The following PLCXD3 variants were observed in gnomAD, a reference collection of about 807,000 sequenced individuals.
PLCXD3 encodes the protein PI-PLC X domain-containing protein 3.
A neutral mutation model predicts 25.5 loss-of-function variants in PLCXD3; 19 were observed. The observed-to-expected ratio is 0.75, with a 90% CI of 0.52 to 1.09. PLCXD3 has a LOEUF of 1.09. PLCXD3 is among the 50% of genes least tolerant of loss of function. The pLI, the probability that PLCXD3 is intolerant of heterozygous loss-of-function variation, is 0.00. For synonymous variants in PLCXD3, 174 were observed against 137.6 expected (o/e 1.26, Z -1.85); for missense variants, 411 against 388.1 (o/e 1.06, Z -0.50).
Position 41,361,070 on chromosome 5 carries a change from G to T in PLCXD3, c.812+20756C>A, listed in dbSNP as rs151184505. The stretch of plus-strand genomic sequence containing the variant: ...TGAGCTCAGACTCTCCATGGGTGGG[G>T]CTTGCTGTGGCTGCTGTGGGGGATG... On this transcript the variant is annotated intron_variant, in intron 2 of 2. Transcript: ENST00000377801. Among the ~76,000 whole-genome samples the T allele has an allele frequency of 2.4e-3, 371 of 152,132 alleles. 2 individuals carry two copies. The highest frequency in any genetic ancestry group is 7.9e-3 in the African/African-American group (329 of 41,504).
intron 1 of PLCXD3, among the ~76,000 whole-genome samples, chr5:41,439,346 T>C (rs2150511106): frequency 6.6e-6 from 1 of 152,334 alleles, no homozygotes; most frequent in South Asian, 2.1e-4. Flanking sequence ...GGAGGGCATA[T>C]TAATGTGCTA....
intron 2 of PLCXD3, among the ~76,000 whole-genome samples, chr5:41,350,472 T>C (rs1385689333): frequency 6.6e-6 from 1 of 152,148 alleles, no homozygotes; most frequent in East Asian, 1.9e-4. Flanking sequence ...ATAGGAAGAG[T>C]ATACTATGAA....
chr5:41,344,135 A>T (rs1359903417), intron 2 of PLCXD3, among the ~76,000 whole-genome samples: 1 of 152,168 alleles, frequency 6.6e-6, no homozygotes, highest in African/African-American at 2.4e-5. Flanking sequence ...CTTCTAAAAC[A>T]TGAATAATAC....
intron 2 of PLCXD3, among the ~76,000 whole-genome samples, chr5:41,344,090 A>C (rs1024560500): frequency 1.3e-5 from 2 of 152,140 alleles, no homozygotes; most frequent in African/African-American, 4.8e-5. Flanking sequence ...GTTCTGAATT[A>C]ATGGGCATGT....
At chr5:41,443,153 A>G (rs1163970927) in intron 1 of PLCXD3, among the ~76,000 whole-genome samples, 1 of 151,130 alleles carries the variant, frequency 6.6e-6, no homozygotes, top group Admixed American at 6.6e-5. Context: ...GCACTACACA[A>G]CAACGATTCC....
chr5:41,421,202 C>T (rs923607045), intron 1 of PLCXD3, among the ~76,000 whole-genome samples: 29 of 152,142 alleles, frequency 1.9e-4, no homozygotes, highest in Non-Finnish European at 7.3e-5. Context: ...TAAATTCTCA[C>T]TGAGTCATAT....
rs909435763 is a variant in PLCXD3, at chr5:41,324,665, T to G, written c.813-10895A>C. On this transcript the variant is annotated intron_variant, in intron 2 of 2. Transcript: ENST00000377801. Reference sequence around the variant, plus strand: ...GACAGATACTGTGACAGTATGTGTGTAGCCACTCTGGTTGAACCCACAACT... The same window carrying G: ...GACAGATACTGTGACAGTATGTGTGGAGCCACTCTGGTTGAACCCACAACT... 2.0e-5 allele frequency among the ~76,000 whole-genome samples: 3 copies of G among 152,228 alleles called. No homozygotes were observed. The South Asian group carries it at 6.2e-4, about 32-fold the overall frequency.
intron 1 of PLCXD3, among the ~76,000 whole-genome samples, chr5:41,456,375 T>C (rs1450878866): frequency 6.6e-6 from 1 of 151,956 alleles, no homozygotes; most frequent in Non-Finnish European, 1.5e-5. Context: ...AAACCTATTG[T>C]TACAAAACAT....
intron 2 of PLCXD3, among the ~76,000 whole-genome samples, chr5:41,358,614 C>A (rs898455963): frequency 6.6e-6 from 1 of 152,200 alleles, no homozygotes; most frequent in Admixed American, 6.5e-5. Flanking sequence ...TCCATCCAGG[C>A]TGGTACGGAT....
chr5:41,490,834 T>C (rs1298827769), intron 1 of PLCXD3, among the ~76,000 whole-genome samples: 1 of 152,222 alleles, frequency 6.6e-6, no homozygotes. Context: ...TTTTCTTCTT[T>C]ATTAGTCTTG....
intron 2 of PLCXD3, among the ~76,000 whole-genome samples, chr5:41,314,487 A>C (rs79763601): frequency 0.12 from 18,630 of 152,274 alleles, 1,225 homozygotes; most frequent in Middle Eastern, 0.13. Flanking sequence ...GTGCTATAAA[A>C]ATGGAGCAAA....
intron 1 of PLCXD3, among the ~76,000 whole-genome samples, chr5:41,404,543 C>T (rs908602982): frequency 6.6e-6 from 1 of 152,042 alleles, no homozygotes; most frequent in Admixed American, 6.6e-5. Flanking sequence ...ATATTTACTA[C>T]CATCTGTCTA....
intron 1 of PLCXD3, among the ~76,000 whole-genome samples, chr5:41,431,746 G>A (rs1246941228): frequency 6.6e-6 from 1 of 152,098 alleles, no homozygotes; most frequent in Non-Finnish European, 1.5e-5. Flanking sequence ...TGGCTGTCTT[G>A]CTGAGCCATT....
intron 1 of PLCXD3, among the ~76,000 whole-genome samples, chr5:41,463,340 T>C (rs1213425310): frequency 2.0e-5 from 3 of 151,944 alleles, no homozygotes; most frequent in Non-Finnish European, 2.9e-5. Context: ...GACCATCTTG[T>C]TGTATCCTTA....
Position 41,337,613 on chromosome 5 carries a change from G to C in PLCXD3, c.813-23843C>G, listed in dbSNP as rs182933319. The stretch of plus-strand genomic sequence containing the variant: ...AATGAATATAAGTGGAATTTAATTT[G>C]ACCATAACATCCCAGGTGCTAATAT... On this transcript the variant is annotated intron_variant, in intron 2 of 2. Transcript: ENST00000377801. 5.5e-4 allele frequency among the ~76,000 whole-genome samples: 83 copies of C among 152,258 alleles called. 3 individuals are homozygous for C. In the East Asian group the frequency reaches 0.014, roughly 27 times the overall value.
At chr5:41,329,755 A>T (rs1227211873) in intron 2 of PLCXD3, among the ~76,000 whole-genome samples, 1 of 150,438 alleles carries the variant, frequency 6.6e-6, no homozygotes, top group Admixed American at 6.6e-5. Flanking sequence ...TTATAAGAGT[A>T]AAGTTTATTA....
intron 1 of PLCXD3, among the ~76,000 whole-genome samples, chr5:41,469,920 G>A (rs1418149134): frequency 6.6e-6 from 1 of 152,114 alleles, no homozygotes; most frequent in Non-Finnish European, 1.5e-5. Context: ...TGTCATGTAT[G>A]GTTTTAAACA....
chr5:41,424,125 C>T (rs758917293), intron 1 of PLCXD3, among the ~76,000 whole-genome samples: 8 of 152,146 alleles, frequency 5.3e-5, no homozygotes, highest in African/African-American at 1.9e-4. Flanking sequence ...CTTCCCCCAG[C>T]CCCCAGCAAC....
At chr5:41,384,676 C>T (rs1451908060) in intron 1 of PLCXD3, among the ~76,000 whole-genome samples, 1 of 151,590 alleles carries the variant, frequency 6.6e-6, no homozygotes, top group East Asian at 1.9e-4. Flanking sequence ...GGTTATGTGG[C>T]AAGTAAAAAA....
Sources: allele counts gnomAD v4.1 joint callset (sites outside exome capture counted in the v4.1 genomes callset), GRCh38; gene constraint gnomAD v4.1.1; transcripts MANE v1.5; gene names NCBI Gene and HGNC (gene_info 2026-07-23, HGNC 2026-07-21).